The following SUFU variants were observed in gnomAD, a reference collection of about 807,000 sequenced individuals.
SUFU encodes suppressor of fused homolog.
In SUFU, 7 loss-of-function variants were observed where a neutral mutation model predicts 58.9. The observed-to-expected ratio is 0.12, with a 90% confidence interval of 0.07 to 0.22. The LOEUF is 0.22. Among genes scored for constraint, SUFU ranks in the 10% least tolerant of loss-of-function variants. SUFU has a pLI of 1.00. For synonymous variants in SUFU, 232 were observed against 254.8 expected, an observed-to-expected ratio of 0.91 and a Z score of 0.85; for missense variants, 451 against 641.3, an observed-to-expected ratio of 0.70 and a Z score of 3.20.
intron 1 of SUFU, among the ~76,000 whole-genome samples, chr10:102,507,084 T>G (rs2062337062): frequency 6.6e-6 from 1 of 152,192 alleles, no homozygotes; most frequent in South Asian, 2.1e-4. Context: ...TTCCACATAC[T>G]CATCTGGCCT....
intron 10 of SUFU, among the ~76,000 whole-genome samples, chr10:102,622,166 T>G (rs2063745033): frequency 6.6e-6 from 1 of 152,148 alleles, no homozygotes. Context: ...ATTGCCCCCC[T>G]CGCAGCTCAG....
Position 102,549,981 on chromosome 10 carries a change from C to T in SUFU, c.329C>T (p.Thr110Ile), listed in dbSNP as rs1171604398. The change falls in exon 3 of 12, where the codon ACA becomes ATA. Residue 110 changes from threonine (T) to isoleucine (I), a missense_variant. Coordinates refer to ENST00000369902, the MANE Select transcript of SUFU (RefSeq NM_016169.4). The stretch of plus-strand genomic sequence containing the variant: ...TTTATGTCTTTCAGGTTTACAGGAA[C>T]AGATGGACCTAGTGGTTTTGGCTTT... ...GDNRVHEFTG[T>I]DGPSGFGFEL... is the part of the protein sequence containing the mutation. 1 of 1,614,214 alleles carries T rather than the reference C, an allele frequency of 6.2e-7. No individual in the cohort carries two copies. Among genetic ancestry groups the T allele is most frequent in the East Asian group, 2.2e-5 (1 of 44,890 alleles).
At chr10:102,504,599 G>T (rs1439572855) in intron 1 of SUFU, among the ~76,000 whole-genome samples, 2 of 149,218 alleles carry the variant, frequency 1.3e-5, no homozygotes, top group Non-Finnish European at 3.0e-5. Flanking sequence ...GCAGAGGGGG[G>T]AACGGCAGGA....
intron 3 of SUFU, among the ~76,000 whole-genome samples, chr10:102,560,281 G>A (rs1042564028): frequency 1.3e-5 from 2 of 152,086 alleles, no homozygotes; most frequent in Admixed American, 1.3e-4. Context: ...AGAATTTGCA[G>A]TATTTTGACC....
intron 7 of SUFU, among the ~76,000 whole-genome samples, chr10:102,598,304 C>T (rs903507221): frequency 3.9e-5 from 6 of 152,128 alleles, no homozygotes; most frequent in African/African-American, 1.4e-4. Context: ...AGGCGTGAGC[C>T]ACCAACGCCC....
At chr10:102,539,794 A>G (rs1259929754) in intron 2 of SUFU, among the ~76,000 whole-genome samples, 1 of 152,210 alleles carries the variant, frequency 6.6e-6, no homozygotes, top group Non-Finnish European at 1.5e-5. Flanking sequence ...ACATATCTAT[A>G]TATTATCTAT....
At chr10:102,615,177 T>C in intron 8 of SUFU, 91 bp from the exon 9 acceptor site, 1 of 1,574,786 alleles carries the variant, frequency 6.4e-7, no homozygotes, top group Non-Finnish European at 8.7e-7. Flanking sequence ...TTATTGTCTT[T>C]ATTACTCAGG....
chr10:102,511,750 A>T (rs561100779), intron 2 of SUFU, among the ~76,000 whole-genome samples: 2 of 152,182 alleles, frequency 1.3e-5, no homozygotes, highest in South Asian at 2.1e-4. Flanking sequence ...ACGCTCTGTC[A>T]CCCAGGCAGG....
At position 102,530,447 on chromosome 10, in the gene SUFU, CTTTT is replaced by C. The variant is rs34892390; in HGVS notation, c.318-19505_318-19502del. ...TTTACCTTTGTCCACTATTTTAAATCTTTTTTTTTTTTTTTTTTTTTAATGGAGA... is the reference window on the plus strand; with the variant it reads ...TTTACCTTTGTCCACTATTTTAAATCTTTTTTTTTTTTTTTTTAATGGAGA... On this transcript the variant is annotated intron_variant, in intron 2 of 11. Coordinates refer to ENST00000369902, the MANE Select transcript of SUFU (RefSeq NM_016169.4). 8.9e-3 allele frequency among the ~76,000 whole-genome samples: 1,011 copies of C among 113,446 alleles called. 4 individuals are homozygous for C. The highest frequency in any genetic ancestry group is 0.013 in the Middle Eastern group (3 of 228). The allele number at this position is 113,446 out of a possible 152,430, so 74.4% of individuals were successfully genotyped here. A position where few individuals can be genotyped will look rare whatever the true frequency, so the allele number is the denominator to read the frequency against.
chr10:102,567,132 C>T (rs1421380784), intron 3 of SUFU, among the ~76,000 whole-genome samples: 1 of 146,680 alleles, frequency 6.8e-6, no homozygotes, highest in Admixed American at 6.9e-5. Context: ...CTGCCTCAGC[C>T]TCCCTAGTAG....
rs147071786 is a variant in SUFU, at chr10:102,552,503, C to T, written c.454+2397C>T. 3.3e-3 allele frequency among the ~76,000 whole-genome samples: 500 copies of T among 152,066 alleles called. 2 individuals carry two copies. The highest frequency in any genetic ancestry group is 0.01 in the Admixed American group (158 of 15,254). On this transcript the variant is annotated intron_variant, in intron 3 of 11. Coordinates refer to ENST00000369902, the MANE Select transcript of SUFU (RefSeq NM_016169.4). The stretch of plus-strand genomic sequence containing the variant: ...GACATAAAAAGGCAAGGGGCAGGGA[C>T]TGTTCTACATTAAAGGAAACATGGC...
chr10:102,526,444 T>C (rs2062609317), intron 2 of SUFU, among the ~76,000 whole-genome samples: 1 of 151,784 alleles, frequency 6.6e-6, no homozygotes. Context: ...TCCCAGCTAC[T>C]TGGGAGGCTG....
chr10:102,505,509 T>G (rs1463296510), intron 1 of SUFU, among the ~76,000 whole-genome samples: 1 of 152,196 alleles, frequency 6.6e-6, no homozygotes, highest in African/African-American at 2.4e-5. Context: ...CAAGTGGACA[T>G]CTTTGCTGGT....
At chr10:102,572,392 CT>C (rs36034579) in intron 3 of SUFU, among the ~76,000 whole-genome samples, 138 of 130,224 alleles carry the variant, frequency 1.1e-3, no homozygotes, top group Non-Finnish European at 1.1e-3. Context: ...CTTTTTCTTT[CT>C]TTTTTTTTTT....
chr10:102,615,215 C>G, intron 8 of SUFU, 53 bp from the exon 9 acceptor site: 1 of 1,613,510 alleles, frequency 6.2e-7, no homozygotes, highest in Admixed American at 1.7e-5. Flanking sequence ...CCATCTTGCT[C>G]CTCCCTGAGC....
chr10:102,607,532 T>C (rs1290502888), intron 8 of SUFU, among the ~76,000 whole-genome samples: 2 of 152,176 alleles, frequency 1.3e-5, no homozygotes, highest in East Asian at 3.8e-4. Context: ...AAACTGATGG[T>C]GCAGTTATCC....
At chr10:102,600,023 T>C (rs1243343574) in intron 8 of SUFU, among the ~76,000 whole-genome samples, 1 of 152,076 alleles carries the variant, frequency 6.6e-6, no homozygotes, top group Non-Finnish European at 1.5e-5. Flanking sequence ...CTCTCTTCCC[T>C]GGGGCCCAGG....
intron 2 of SUFU, among the ~76,000 whole-genome samples, chr10:102,533,855 A>G (rs1162485684): frequency 2.0e-5 from 3 of 152,222 alleles, no homozygotes; most frequent in African/African-American, 2.4e-5. Flanking sequence ...TTAAGGTAGC[A>G]TATCACAAGT....
chr10:102,630,714 A>G lies in SUFU; in HGVS notation c.*559A>G, dbSNP rs1468052187. Reference sequence around the variant, plus strand: ...TGCTCTGCAAAGATGTCCAGAAGCCATGTATATAATGTTTTTTAAACAGAA... The same window carrying G: ...TGCTCTGCAAAGATGTCCAGAAGCCGTGTATATAATGTTTTTTAAACAGAA... On this transcript the variant is annotated 3_prime_UTR_variant, in exon 12 of 12. Transcript: ENST00000369902. 2 of 267,074 alleles carry G rather than the reference A, an allele frequency of 7.5e-6. No individual in the cohort carries two copies. Among genetic ancestry groups the G allele is most frequent in the Admixed American group, 4.7e-5 (1 of 21,252 alleles). The allele number at this position is 267,074 out of a possible 1,614,324, so 16.5% of individuals were successfully genotyped here.
Sources: allele counts gnomAD v4.1 joint callset (sites outside exome capture counted in the v4.1 genomes callset), GRCh38; gene constraint gnomAD v4.1.1; transcripts MANE v1.5; gene names NCBI Gene and HGNC (gene_info 2026-07-23, HGNC 2026-07-21).